RPS6KA2: variants seen among roughly 807,000 people sequenced by gnomAD.
The protein encoded by RPS6KA2 is ribosomal protein S6 kinase alpha-2.
RPS6KA2 carries 42 observed loss-of-function variants against 91.8 expected under a neutral mutation model. The observed-to-expected ratio is 0.46, with a 90% CI of 0.36 to 0.59. RPS6KA2 has a LOEUF of 0.59. RPS6KA2 is among the 20% of genes least tolerant of loss of function. The pLI is 0.00. For missense variants in RPS6KA2, 798 were observed against 978.5 expected (o/e 0.82, Z 2.46); for synonymous variants, 414 against 393.6 (o/e 1.05, Z -0.61).
Position 166,780,792 on chromosome 6 carries a change from C to CA in RPS6KA2, c.123+77407dup, listed in dbSNP as rs1176983572. Among the ~76,000 whole-genome samples, 5 of 152,158 alleles carry CA rather than the reference C, an allele frequency of 3.3e-5. No individual in the cohort carries two copies. In the South Asian group the frequency reaches 1.0e-3, roughly 32 times the overall value. On this transcript the variant is annotated intron_variant, in intron 2 of 21. Transcript: ENST00000503859. ...AATTGTCTCAAACTAAGACTCAGGG[C>CA]AAAAAAGTGTGTCTGCAACATTGCA...
chr6:166,723,763 C>T (rs55747901), intron 2 of RPS6KA2, among the ~76,000 whole-genome samples: 11,375 of 147,936 alleles, frequency 0.077, 726 homozygotes, highest in African/African-American at 0.18. Flanking sequence ...TGCAATGGCG[C>T]GATCTTGGCT....
chr6:166,672,816 C>T (rs1250109281), intron 2 of RPS6KA2, among the ~76,000 whole-genome samples: 1 of 152,192 alleles, frequency 6.6e-6, no homozygotes, highest in Non-Finnish European at 1.5e-5. Flanking sequence ...TTGCCTCCTT[C>T]ACAGATATTG....
intron 2 of RPS6KA2, among the ~76,000 whole-genome samples, chr6:166,649,244 C>G (rs184827104): frequency 4.1e-4 from 63 of 152,320 alleles, no homozygotes; most frequent in African/African-American, 1.5e-3. Flanking sequence ...TGCCCCTGCC[C>G]TCCCCTCTTC....
At chr6:166,653,161 A>T (rs2128554830) in intron 2 of RPS6KA2, among the ~76,000 whole-genome samples, 1 of 152,358 alleles carries the variant, frequency 6.6e-6, no homozygotes, top group African/African-American at 2.4e-5. Flanking sequence ...CCTGGGTTCA[A>T]GCAATTCTCG....
chr6:166,750,009 T>A (rs1791226394), intron 2 of RPS6KA2, among the ~76,000 whole-genome samples: 1 of 151,886 alleles, frequency 6.6e-6, no homozygotes, highest in South Asian at 2.1e-4. Context: ...GCATGTCCCT[T>A]CTGAGTCCAG....
chr6:166,459,363 C>T lies in RPS6KA2; in HGVS notation c.1075+86G>A. 1.3e-6 allele frequency: 1 copy of T among 773,366 alleles called. No homozygotes were observed. Among genetic ancestry groups the T allele is most frequent in the Non-Finnish European group, 2.2e-6 (1 of 463,378 alleles). 47.9% of individuals were successfully genotyped at this position (773,366 alleles called of 1,614,324 possible). ...ATTTTCCATGAAAAGAATTCTGAGG[C>T]ATGGGAATTTCTTGTTCCTAGATAT... On this transcript the variant is annotated intron_variant, in intron 12 of 20. Coordinates refer to ENST00000265678, the MANE Select transcript of RPS6KA2 (RefSeq NM_021135.6). The surrounding 1 kb of genome is among the most constrained non-coding windows in gnomAD (Gnocchi z 4.9).
At chr6:166,759,981 CTTTGT>C (rs1562423469) in intron 2 of RPS6KA2, among the ~76,000 whole-genome samples, 2 of 152,174 alleles carry the variant, frequency 1.3e-5, no homozygotes, top group East Asian at 1.9e-4. Flanking sequence ...TTCACAAATA[CTTTGT>C]TTTAATTTTA....
At position 166,423,295 on chromosome 6, in the gene RPS6KA2, G is replaced by A. The variant is rs150548686; in HGVS notation, c.1704C>T (p.Leu568=). Residue 568 remains leucine, a synonymous_variant, in exon 17 of 21, where the codon CTC becomes CTT. Coordinates refer to ENST00000265678, the MANE Select transcript of RPS6KA2 (RefSeq NM_021135.6). The surrounding 1 kb of genome is among the most constrained non-coding windows in gnomAD (Gnocchi z 4.8). ...AATTGGCCGTGTAGCAGGGTGTCAT[G>A]AGCAGCCCGTTCCCCGCGCGCAGCT... ...AKQLRAGNGL[L]MTPCYTANFV... The A allele has an allele frequency of 5.0e-6, 8 of 1,613,784 alleles. No individual in the cohort carries two copies. Among genetic ancestry groups the A allele is most frequent in the South Asian group, 1.1e-5 (1 of 91,074 alleles).
chr6:166,725,994 C>A (rs556607605), intron 2 of RPS6KA2, among the ~76,000 whole-genome samples: 2 of 152,138 alleles, frequency 1.3e-5, no homozygotes, highest in South Asian at 4.1e-4. Flanking sequence ...AACAGCCACG[C>A]CCCAGAAGCT....
In RPS6KA2 at chr6:166,531,256, C is replaced by A; in HGVS notation, c.274G>T (p.Val92Phe). Residue 92 changes from valine to phenylalanine, a missense_variant, in exon 3 of 21, where the codon GTC (valine) becomes TTC (phenylalanine). Coordinates refer to ENST00000265678, the MANE Select transcript of RPS6KA2 (RefSeq NM_021135.6). ...CCTTTTAGGGTGGCTTTCTTAAGGA[C>A]CTTCATGGCGTAGAGCTGCCCAGCG... The part of the protein sequence containing the change: ...SDAGQLYAMK[V>F]LKKATLKVRD... 6.2e-7 allele frequency: 1 copy of A among 1,614,080 alleles called. No homozygotes were observed.
At chr6:166,569,543 G>A (rs981182299) in intron 1 of RPS6KA2, among the ~76,000 whole-genome samples, 8 of 152,158 alleles carry the variant, frequency 5.3e-5, no homozygotes, top group African/African-American at 1.9e-4. Flanking sequence ...AAATCTCCAG[G>A]CCAGGCATTC....
At chr6:166,707,109 AAG>A (rs1472058353) in intron 2 of RPS6KA2, among the ~76,000 whole-genome samples, 1 of 152,254 alleles carries the variant, frequency 6.6e-6, no homozygotes, top group Non-Finnish European at 1.5e-5. Flanking sequence ...CTGATCAGAG[AAG>A]AGAGTTAGCA....
At chr6:166,480,325 T>C (rs1475360054) in intron 10 of RPS6KA2, among the ~76,000 whole-genome samples, 2 of 151,656 alleles carry the variant, frequency 1.3e-5, no homozygotes, top group Non-Finnish European at 2.9e-5. Context: ...TACTGGCTGA[T>C]TCGAAAGCAC....
chr6:166,586,438 T>C, intron 1 of RPS6KA2: 2 of 1,599,826 alleles, frequency 1.3e-6, no homozygotes, highest in East Asian at 2.2e-5. Context: ...CTAGCAAACA[T>C]CTCTTCAAAA....
chr6:166,562,605 C>A lies in RPS6KA2; in HGVS notation c.100-23821G>T, dbSNP rs76059904. Among the ~76,000 whole-genome samples the A allele has an allele frequency of 1.7e-3, 254 of 152,302 alleles. 1 individual carries two copies. Among genetic ancestry groups the A allele is most frequent in the Non-Finnish European group, 2.8e-3 (192 of 68,020 alleles). On this transcript the variant is annotated intron_variant, in intron 1 of 20. Coordinates refer to ENST00000265678, the MANE Select transcript of RPS6KA2 (RefSeq NM_021135.6). The stretch of plus-strand genomic sequence containing the variant: ...TGGTCCTAAGCACCTACTAAGAGCC[C>A]GGCTGCTACTAAGCCTTGAGTATGT...
intron 16 of RPS6KA2, among the ~76,000 whole-genome samples, chr6:166,429,350 A>G (rs1330889485): frequency 6.6e-6 from 1 of 151,346 alleles, no homozygotes; most frequent in Non-Finnish European, 1.5e-5. Context: ...TGACGAGTTA[A>G]TGGGTGCAGC....
chr6:166,587,668 A>T (rs73788056), intron 1 of RPS6KA2, among the ~76,000 whole-genome samples: 4 of 101,528 alleles, frequency 3.9e-5, no homozygotes, highest in Admixed American at 1.1e-4. Flanking sequence ...AATAAATATT[A>T]TATATATATA....
intron 1 of RPS6KA2, among the ~76,000 whole-genome samples, chr6:166,558,944 CAG>C (rs953183246): frequency 3.3e-5 from 5 of 152,244 alleles, no homozygotes; most frequent in Non-Finnish European, 7.3e-5. Context: ...ATTGGAGTTT[CAG>C]AGTTTTTGTG....
intron 2 of RPS6KA2, among the ~76,000 whole-genome samples, chr6:166,643,287 T>G (rs536272283): frequency 1.3e-5 from 2 of 152,128 alleles, no homozygotes; most frequent in Non-Finnish European, 2.9e-5. Context: ...AACTCTCTAG[T>G]TAAAAGACAA....
Sources: gnomAD v4.1 joint callset for allele counts (sites outside exome capture counted in the v4.1 genomes callset) on GRCh38, gnomAD v4.1.1 for gene constraint, Gnocchi (gnomAD v3.1) non-coding constraint, MANE v1.5 for transcripts, NCBI Gene and HGNC (gene_info 2026-07-23, HGNC 2026-07-21) for gene names.